Variants in PCDHGB1 observed in about 807,000 individuals in gnomAD.
PCDHGB1 encodes the protein protocadherin gamma-B1.
In PCDHGB1, 34 loss-of-function variants were observed where a neutral mutation model predicts 56.6. The observed-to-expected ratio is 0.60, with a 90% CI of 0.46 to 0.80. PCDHGB1 has a LOEUF of 0.80. Among genes scored for constraint, PCDHGB1 ranks in the 30% least tolerant of loss-of-function variants. The pLI is 0.00. For synonymous variants in PCDHGB1, 561 were observed against 505.9 expected (o/e 1.11, Z -1.46); for missense variants, 1,278 against 1,204.6 (o/e 1.06, Z -0.90).
rs577770679 is a variant in PCDHGB1, at chr5:141,458,782, G to A, written c.2410-36025G>A. Reference sequence around the variant, plus strand: ...GGGTCTTGCTGTGTCACACAGGCTGGAGTGCAGTGGTGTGATCTCAGCTCA... The same window carrying A: ...GGGTCTTGCTGTGTCACACAGGCTGAAGTGCAGTGGTGTGATCTCAGCTCA... On this transcript the variant is annotated intron_variant, in intron 1 of 3. Coordinates refer to ENST00000523390, the MANE Select transcript of PCDHGB1 (RefSeq NM_018922.3). 3.3e-5 allele frequency among the ~76,000 whole-genome samples: 5 copies of A among 152,020 alleles called. No homozygotes were observed. In the East Asian group the frequency reaches 9.7e-4, roughly 30 times the overall value.
chr5:141,449,569 A>G (rs1340921687), intron 1 of PCDHGB1, among the ~76,000 whole-genome samples: 2 of 148,390 alleles, frequency 1.3e-5, no homozygotes, highest in East Asian at 3.9e-4. Flanking sequence ...AGCCTGGGCG[A>G]CAGAGCAAGA....
intron 1 of PCDHGB1, chr5:141,419,575 C>T (rs2096401495): frequency 6.2e-7 from 1 of 1,611,782 alleles, no homozygotes. Context: ...CCGACGGCTC[C>T]GCGCTCTTCG....
chr5:141,432,692 G>A lies in PCDHGB1; in HGVS notation c.2410-62115G>A. The A allele has an allele frequency of 6.2e-7, 1 of 1,613,964 alleles. No homozygotes were observed. Among genetic ancestry groups the A allele is most frequent in the Non-Finnish European group, 8.5e-7 (1 of 1,179,978 alleles). On this transcript the variant is annotated intron_variant, in intron 1 of 3. Transcript: ENST00000523390. The surrounding 1 kb of genome is among the most constrained non-coding windows in gnomAD (Gnocchi z 6.0). ...CGCGCTCAAGCAGAGCCTCGTAGTG[G>A]CCGTCCAGGACCACGGCCAGCCCCC...
At chr5:141,468,324 C>T (rs1301315098) in intron 1 of PCDHGB1, 1 of 127,722 alleles carries the variant, frequency 7.8e-6, no homozygotes, top group Non-Finnish European at 1.6e-5. Context: ...ACGGTAAACT[C>T]CATCTCAAAA....
At chr5:141,498,419 G>A (rs78940285) in intron 2 of PCDHGB1, among the ~76,000 whole-genome samples, 4,023 of 152,260 alleles carry the variant, frequency 0.026, 75 homozygotes, top group Non-Finnish European at 0.043. Flanking sequence ...TGCTGGCACT[G>A]GAGTGAGGGG....
At chr5:141,417,656 G>A (rs1561768422) in intron 1 of PCDHGB1, 1 of 854,026 alleles carries the variant, frequency 1.2e-6, no homozygotes, top group Non-Finnish European at 1.7e-6. Context: ...CCTCTAGCCT[G>A]GGATTCCCTG....
At chr5:141,480,240 CAA>C (rs11374694) in intron 1 of PCDHGB1, among the ~76,000 whole-genome samples, 8 of 114,006 alleles carry the variant, frequency 7.0e-5, no homozygotes, top group Non-Finnish European at 7.5e-5. Flanking sequence ...CCTGTCTCTA[CAA>C]AAAAAAAAAA....
chr5:141,354,006 T>C (rs949928524), intron 1 of PCDHGB1, among the ~76,000 whole-genome samples: 1 of 152,236 alleles, frequency 6.6e-6, no homozygotes, highest in Non-Finnish European at 1.5e-5. Flanking sequence ...GATTAGTAAA[T>C]TACTGTAAGT....
At chr5:141,358,241 T>C (rs868124614) in intron 1 of PCDHGB1, among the ~76,000 whole-genome samples, 7 of 152,318 alleles carry the variant, frequency 4.6e-5, no homozygotes, top group South Asian at 2.1e-4. Context: ...CCTTTTCTCT[T>C]AGGTGTTCCT....
intron 1 of PCDHGB1, chr5:141,364,990 G>C (rs1363998069): frequency 1.2e-6 from 2 of 1,613,862 alleles, no homozygotes; most frequent in Admixed American, 1.7e-5. Flanking sequence ...GCGGAGACCC[G>C]GTACTCTCCG....
chr5:141,474,430 C>T (rs2099349577), intron 1 of PCDHGB1, among the ~76,000 whole-genome samples: 1 of 152,212 alleles, frequency 6.6e-6, no homozygotes, highest in African/African-American at 2.4e-5. Flanking sequence ...TTGGTCCTCA[C>T]ACTTTGAGTA....
rs1436956912 is a variant in PCDHGB1, at chr5:141,438,609, TATATATATATATATATATATATATATAC to T, written c.2410-56196_2410-56169del. Reference sequence around the variant, plus strand: ...ATACATACATATATATATATATATATATATATATATATATATATATATATATACACACACACACACACATATATGTATA... The same window carrying T: ...ATACATACATATATATATATATATATACACACACACACACATATATGTATA... On this transcript the variant is annotated intron_variant, in intron 1 of 3. Coordinates refer to ENST00000523390, the MANE Select transcript of PCDHGB1 (RefSeq NM_018922.3). Among the ~76,000 whole-genome samples the T allele has an allele frequency of 2.2e-3, 92 of 41,082 alleles. 2 individuals are homozygous for T. Among genetic ancestry groups the T allele is most frequent in the East Asian group, 7.4e-3 (6 of 810 alleles). The allele number at this position is 41,082 out of a possible 152,430, so 27.0% of individuals were successfully genotyped here.
At chr5:141,407,980 C>T in intron 1 of PCDHGB1, 1 of 760,358 alleles carries the variant, frequency 1.3e-6, no homozygotes, top group Non-Finnish European at 2.0e-6. Context: ...CGCCGGGGAT[C>T]CGTCAGCCTC....
rs936419038 is a variant in PCDHGB1 at position 141,493,313 on chromosome 5, G to T, written c.2410-1494G>T. On this transcript the variant is annotated intron_variant, in intron 1 of 3. Transcript: ENST00000523390. This position sits in a 1 kb window ranked among gnomAD's most constrained non-coding sequence, Gnocchi z 4.3. ...TCAAGTTCACAGAGCAAGTAAGAGA[G>T]ATTCTAACCCCTGTCTAACTCCAGA... Among the ~76,000 whole-genome samples, 4 of 152,214 alleles carry T rather than the reference G, an allele frequency of 2.6e-5. No individual in the cohort carries two copies. Among genetic ancestry groups the T allele is most frequent in the Non-Finnish European group, 4.4e-5 (3 of 68,040 alleles).
At chr5:141,449,948 C>T (rs1294423807) in intron 1 of PCDHGB1, among the ~76,000 whole-genome samples, 1 of 151,034 alleles carries the variant, frequency 6.6e-6, no homozygotes, top group Non-Finnish European at 1.5e-5. Context: ...TTTTACTATA[C>T]CTCATAGTAA....
intron 1 of PCDHGB1, chr5:141,423,124 C>T (rs748586131): frequency 1.9e-6 from 3 of 1,613,778 alleles, no homozygotes; most frequent in Non-Finnish European, 1.7e-6. Context: ...AGCGCGGGCA[C>T]TGCTGGACAG....
chr5:141,360,880 G>C, intron 1 of PCDHGB1: 1 of 1,614,004 alleles, frequency 6.2e-7, no homozygotes, highest in Non-Finnish European at 8.5e-7. Flanking sequence ...CGTGTACAGG[G>C]TCACCCTGAG....
intron 1 of PCDHGB1, chr5:141,391,723 C>CT (rs1366104842): frequency 6.6e-6 from 1 of 152,126 alleles, no homozygotes; most frequent in African/African-American, 2.4e-5. Flanking sequence ...GGGAAACAGA[C>CT]TTTTTTGTAG....
At chr5:141,427,187 C>T (rs1318380362) in intron 1 of PCDHGB1, 1 of 456,574 alleles carries the variant, frequency 2.2e-6, no homozygotes, top group Middle Eastern at 3.3e-4. Flanking sequence ...AAATTAAATC[C>T]AAAGACTTAA....
Sources: allele counts gnomAD v4.1 joint callset (sites outside exome capture counted in the v4.1 genomes callset), GRCh38; gene constraint gnomAD v4.1.1; non-coding constraint Gnocchi (gnomAD v3.1); transcripts MANE v1.5; gene names NCBI Gene and HGNC (gene_info 2026-07-23, HGNC 2026-07-21).